The following DSCAM variants were observed in gnomAD, a reference collection of about 807,000 sequenced individuals.
The protein encoded by DSCAM is DS cell adhesion molecule.
A neutral mutation model predicts 217.7 loss-of-function variants in DSCAM; 47 were observed. The observed-to-expected ratio is 0.22, with a 90% CI of 0.17 to 0.28. The LOEUF is 0.28. DSCAM is among the 10% of genes least tolerant of loss of function. The pLI, the probability that DSCAM is intolerant of heterozygous loss-of-function variation, is 1.00. For missense variants in DSCAM, 2,080 were observed against 2,618.3 expected (o/e 0.79, Z 4.49); for synonymous variants, 1,056 against 1,015.3 (o/e 1.04, Z -0.76).
At chr21:40,753,090 C>CTTGCTCCATGTTGGACACCAGCTT (rs1441255419) in intron 1 of DSCAM, among the ~76,000 whole-genome samples, 1 of 152,210 alleles carries the variant, frequency 6.6e-6, no homozygotes, top group African/African-American at 2.4e-5. Context: ...CAATGCCAGA[C>CTTGCTCCATGTTGGACACCAGCTT]TTGCTCCATG....
intron 5 of DSCAM, among the ~76,000 whole-genome samples, chr21:40,351,931 G>A (rs1426113856): frequency 6.6e-6 from 1 of 152,144 alleles, no homozygotes; most frequent in Non-Finnish European, 1.5e-5. Context: ...CCATGTGGAG[G>A]AAGCAACATA....
At chr21:40,450,718 A>C (rs181609564) in intron 3 of DSCAM, among the ~76,000 whole-genome samples, 35 of 152,328 alleles carry the variant, frequency 2.3e-4, no homozygotes, top group Admixed American at 1.6e-3. Context: ...ATTGTTATTG[A>C]ATATACTGAG....
intron 16 of DSCAM, among the ~76,000 whole-genome samples, chr21:40,164,792 AC>A (rs1370264025): frequency 1.3e-5 from 2 of 151,076 alleles, no homozygotes; most frequent in African/African-American, 4.9e-5. Context: ...ACAGAGTGAG[AC>A]TCTGTCTCAA....
chr21:40,752,379 G>C (rs548186330), intron 1 of DSCAM, among the ~76,000 whole-genome samples: 1 of 152,210 alleles, frequency 6.6e-6, no homozygotes, highest in African/African-American at 2.4e-5. Flanking sequence ...ACACATTCCT[G>C]CAGCCAAATG....
chr21:40,128,699 CAAA>C lies in DSCAM; in HGVS notation c.3563-4374_3563-4372del, dbSNP rs527919207. Among the ~76,000 whole-genome samples, 103 of 89,044 alleles carry C rather than the reference CAAA, an allele frequency of 1.2e-3. 1 individual carries two copies. In the East Asian group the frequency reaches 0.023, roughly 20 times the overall value. 58.4% of individuals were successfully genotyped at this position (89,044 alleles called of 152,430 possible). A position where few individuals can be genotyped will look rare whatever the true frequency, so the allele number is the denominator to read the frequency against. The stretch of plus-strand genomic sequence containing the variant: ...TGGTGACTCCAGCCTCATAACCAAA[CAAA>C]AAAAAAAAAAAAAAAAGATCCCATA... On this transcript the variant is annotated intron_variant, in intron 19 of 32. Transcript: ENST00000400454.
At chr21:40,341,692 C>A (rs998207593) in intron 6 of DSCAM, among the ~76,000 whole-genome samples, 9 of 152,154 alleles carry the variant, frequency 5.9e-5, no homozygotes, top group African/African-American at 2.2e-4. Flanking sequence ...ATAGAGTATG[C>A]ACGCTTTATA....
intron 1 of DSCAM, among the ~76,000 whole-genome samples, chr21:40,810,237 G>C (rs1246740212): frequency 1.3e-5 from 2 of 152,210 alleles, no homozygotes; most frequent in Non-Finnish European, 2.9e-5. Context: ...CCTCTCAGAA[G>C]TTCCTGAGGA....
chr21:40,498,116 G>C (rs73362937), intron 3 of DSCAM, among the ~76,000 whole-genome samples: 3,637 of 152,166 alleles, frequency 0.024, 132 homozygotes, highest in African/African-American at 0.077. Flanking sequence ...TATAAAACGG[G>C]AATAATAACT....
intron 3 of DSCAM, among the ~76,000 whole-genome samples, chr21:40,456,596 T>C (rs2075765380): frequency 6.6e-6 from 1 of 152,102 alleles, no homozygotes; most frequent in African/African-American, 2.4e-5. Context: ...ATATGTATGC[T>C]AACGTGTTCA....
chr21:40,036,397 AATAAACTAGAAAATCTAGAAG>A (rs1187176975), intron 32 of DSCAM, among the ~76,000 whole-genome samples: 1 of 146,456 alleles, frequency 6.8e-6, no homozygotes, highest in Non-Finnish European at 1.5e-5. Flanking sequence ...CCTCTACGCA[AATAAACTAGAAAATCTAGAAG>A]AAATGGATAA....
At chr21:40,230,940 G>A (rs534403387) in intron 11 of DSCAM, among the ~76,000 whole-genome samples, 7 of 151,428 alleles carry the variant, frequency 4.6e-5, no homozygotes, top group Admixed American at 3.3e-4. Flanking sequence ...CCCCCACCCG[G>A]CATCCCTGCT....
rs1568955413 is a variant in DSCAM, at chr21:40,637,653, A to ATATATATAAATATATATC, written c.508+55156_508+55157insGATATATATTTATATATA. On this transcript the variant is annotated intron_variant, in intron 3 of 32. Coordinates refer to ENST00000400454, the MANE Select transcript of DSCAM (RefSeq NM_001389.5). ...TATAAATATATATAAATATATATCT[A>ATATATATAAATATATATC]TATATATATATATAAATTTTTTTCT... Among the ~76,000 whole-genome samples the ATATATATAAATATATATC allele has an allele frequency of 3.0e-3, 37 of 12,386 alleles. 1 individual carries two copies. Among genetic ancestry groups the ATATATATAAATATATATC allele is most frequent in the African/African-American group, 0.012 (30 of 2,464 alleles). 8.1% of individuals were successfully genotyped at this position (12,386 alleles called of 152,430 possible). A position where few individuals can be genotyped will look rare whatever the true frequency, so the allele number is the denominator to read the frequency against.
chr21:40,564,159 T>C (rs1467729433), intron 3 of DSCAM, among the ~76,000 whole-genome samples: 1 of 152,178 alleles, frequency 6.6e-6, no homozygotes, highest in Non-Finnish European at 1.5e-5. Context: ...GAAATCAACA[T>C]AAAACATCTT....
chr21:40,191,222 C>T (rs1469438200), intron 11 of DSCAM, among the ~76,000 whole-genome samples: 11 of 152,282 alleles, frequency 7.2e-5, no homozygotes, highest in Middle Eastern at 3.4e-3. Context: ...CTACCAGTTC[C>T]GTAGCCTGAA....
At chr21:40,275,332 A>C (rs1342905788) in intron 11 of DSCAM, among the ~76,000 whole-genome samples, 1 of 152,150 alleles carries the variant, frequency 6.6e-6, no homozygotes, top group African/African-American at 2.4e-5. Flanking sequence ...TCTGCCTCAA[A>C]AAAAAAGTGG....
At chr21:40,172,242 C>A (rs563656631) in intron 15 of DSCAM, among the ~76,000 whole-genome samples, 16 of 152,328 alleles carry the variant, frequency 1.1e-4, no homozygotes, top group African/African-American at 3.8e-4. Flanking sequence ...GCACTCCAGT[C>A]TGGGCAACAG....
At chr21:40,694,580 G>A (rs2090575841) in intron 2 of DSCAM, among the ~76,000 whole-genome samples, 1 of 152,066 alleles carries the variant, frequency 6.6e-6, no homozygotes, top group Non-Finnish European at 1.5e-5. Flanking sequence ...CCAACTTGGA[G>A]AATTTCTTCA....
intron 18 of DSCAM, among the ~76,000 whole-genome samples, chr21:40,134,882 T>G (rs2090191173): frequency 6.6e-6 from 1 of 152,044 alleles, no homozygotes; most frequent in Non-Finnish European, 1.5e-5. Context: ...TTACCTGGAG[T>G]GAACTCCTCT....
chr21:40,649,271 G>C (rs1442286728), intron 3 of DSCAM, among the ~76,000 whole-genome samples: 1 of 152,122 alleles, frequency 6.6e-6, no homozygotes, highest in Non-Finnish European at 1.5e-5. Context: ...CCCCCACCCT[G>C]TTGGGTTGTC....
Sources: gnomAD v4.1 joint callset for allele counts (sites outside exome capture counted in the v4.1 genomes callset) on GRCh38, gnomAD v4.1.1 for gene constraint, MANE v1.5 for transcripts, NCBI Gene and HGNC (gene_info 2026-07-23, HGNC 2026-07-21) for gene names.